DRC9: variants seen among roughly 807,000 people sequenced by gnomAD.
The protein encoded by DRC9 is dynein regulatory complex subunit 9.
the DRC9 span, chr3:197,957,753 C>A: frequency 6.6e-6 from 1 of 152,096 alleles, no homozygotes; most frequent in Admixed American, 6.6e-5. Flanking sequence ...TCCAAAAGGC[C>A]AACATAAGCT....
the DRC9 span, chr3:197,951,242 G>A: frequency 6.2e-7 from 1 of 1,614,176 alleles, no homozygotes; most frequent in East Asian, 2.2e-5. Context: ...AAAATTGAAG[G>A]TGTTTACGCC....
chr3:197,911,262 T>C, the DRC9 span, among the ~76,000 whole-genome samples: 1 of 152,206 alleles, frequency 6.6e-6, no homozygotes, highest in Non-Finnish European at 1.5e-5. Flanking sequence ...ACCTTGAAAT[T>C]ACTGCCTGCA....
the DRC9 span, among the ~76,000 whole-genome samples, chr3:197,892,364 A>G: frequency 1.3e-5 from 2 of 152,222 alleles, no homozygotes; most frequent in Non-Finnish European, 2.9e-5. Flanking sequence ...AGTAGGCACT[A>G]CGTAAGTTAG....
chr3:197,910,746 G>A, the DRC9 span, among the ~76,000 whole-genome samples: 98 of 152,274 alleles, frequency 6.4e-4, no homozygotes, highest in African/African-American at 2.3e-3. Context: ...TTGGGAGGCC[G>A]AGGCAGGTGG....
At chr3:197,934,785 T>C in the DRC9 span, among the ~76,000 whole-genome samples, 9 of 141,888 alleles carry the variant, frequency 6.3e-5, no homozygotes, top group South Asian at 6.9e-4. Flanking sequence ...CTGGGCAACA[T>C]AGTGAGACCC....
At chr3:197,958,191 CAGAG>C in the DRC9 span, 1 of 152,258 alleles carries the variant, frequency 6.6e-6, no homozygotes, top group Non-Finnish European at 1.5e-5. Context: ...CCACAACCTC[CAGAG>C]AATCTGGTGC....
chr3:197,930,354 A>T, the DRC9 span, among the ~76,000 whole-genome samples: 1 of 152,156 alleles, frequency 6.6e-6, no homozygotes, highest in African/African-American at 2.4e-5. Flanking sequence ...TAAAAAATGA[A>T]AAACTCAGGG....
chr3:197,922,567 G>A, the DRC9 span, among the ~76,000 whole-genome samples: 37,737 of 151,958 alleles, frequency 0.25, 5,866 homozygotes, highest in African/African-American at 0.45. Flanking sequence ...TTAGCCAGGT[G>A]TGGTGGCCTA....
chr3:197,940,322 T>TATA, the DRC9 span, among the ~76,000 whole-genome samples: 1 of 148,688 alleles, frequency 6.7e-6, no homozygotes, highest in Admixed American at 6.7e-5. Flanking sequence ...TATATATATA[T>TATA]ATAATAATAT....
the DRC9 span, among the ~76,000 whole-genome samples, chr3:197,929,507 C>T: frequency 6.6e-6 from 1 of 152,144 alleles, no homozygotes; most frequent in Non-Finnish European, 1.5e-5. This position sits in a 1 kb window ranked among gnomAD's most constrained non-coding sequence, Gnocchi z 4.6. Flanking sequence ...TGCGGTGGCT[C>T]ACACCTATAA....
chr3:197,955,967 G>A, the DRC9 span: 32 of 587,762 alleles, frequency 5.4e-5, no homozygotes, highest in Middle Eastern at 4.8e-4. Context: ...AGAAGGGAAC[G>A]GGTTTTAATG....
At chr3:197,929,633 G>A in the DRC9 span, among the ~76,000 whole-genome samples, 6,376 of 152,166 alleles carry the variant, frequency 0.042, 209 homozygotes, top group African/African-American at 0.088. The surrounding 1 kb of genome is among the most constrained non-coding windows in gnomAD (Gnocchi z 4.6). Flanking sequence ...AAAATTAGCT[G>A]GGCATAGTGG....
the DRC9 span, among the ~76,000 whole-genome samples, chr3:197,931,367 A>G: frequency 1.3e-5 from 2 of 151,898 alleles, no homozygotes; most frequent in Non-Finnish European, 2.9e-5. Flanking sequence ...CTGTAATCCC[A>G]GCTACTTCGG....
At chr3:197,952,543 A>G in the DRC9 span, 8,550 of 151,920 alleles carry the variant, frequency 0.056, 300 homozygotes, top group South Asian at 0.088. Flanking sequence ...TATCCAGGCT[A>G]AAGTGCAATG....
chr3:197,954,336 GT>G, the DRC9 span: 2,246 of 556,940 alleles, frequency 4.0e-3, 19 homozygotes, highest in African/African-American at 0.025. Context: ...TTTGTTTTTT[GT>G]TTTTTTTTTG....
At chr3:197,898,451 A>G in the DRC9 span, among the ~76,000 whole-genome samples, 2 of 152,256 alleles carry the variant, frequency 1.3e-5, no homozygotes, top group Non-Finnish European at 2.9e-5. Context: ...ACTCAAAGAA[A>G]GTGCAAGAAA....
At chr3:197,946,192 C>G in the DRC9 span, among the ~76,000 whole-genome samples, 1 of 152,024 alleles carries the variant, frequency 6.6e-6, no homozygotes, top group South Asian at 2.1e-4. Flanking sequence ...TCCCAGCACT[C>G]TGGGAGGCCG....
the DRC9 span, chr3:197,906,354 A>T: frequency 6.6e-6 from 1 of 152,204 alleles, no homozygotes; most frequent in Admixed American, 6.5e-5. Flanking sequence ...AGATGACTCA[A>T]ATCAGCAACT....
the DRC9 span, among the ~76,000 whole-genome samples, chr3:197,933,085 A>C: frequency 1.5e-3 from 209 of 141,480 alleles, no homozygotes; most frequent in African/African-American, 5.1e-3. Context: ...TATAAAATAC[A>C]TATATTATAC....
Sources: gnomAD v4.1 joint callset for allele counts (sites outside exome capture counted in the v4.1 genomes callset) on GRCh38, gnomAD v4.1.1 for gene constraint, Gnocchi (gnomAD v3.1) non-coding constraint, MANE v1.5 for transcripts, NCBI Gene and HGNC (gene_info 2026-07-23, HGNC 2026-07-21) for gene names.